Variants in AP3B1 observed in about 807,000 individuals in gnomAD.
AP3B1 encodes the protein AP-3 complex subunit beta-1.
In AP3B1, 61 loss-of-function variants were observed where a neutral mutation model predicts 132.5. The ratio of observed to expected loss-of-function variants is 0.46; its 90% confidence interval spans 0.37 to 0.57. The LOEUF is 0.57. AP3B1 is among the 20% of genes least tolerant of loss of function. The pLI, the probability that AP3B1 is intolerant of heterozygous loss-of-function variation, is 0.00. For missense variants in AP3B1, 1,120 were observed against 1,289.4 expected (o/e 0.87, Z 2.01); for synonymous variants, 388 against 438.3 (o/e 0.89, Z 1.43).
At chr5:78,069,879 A>C (rs252739) in intron 22 of AP3B1, among the ~76,000 whole-genome samples, 40,016 of 152,060 alleles carry the variant, frequency 0.26, 6,000 homozygotes, top group Admixed American at 0.39. Flanking sequence ...ACCCAAATAG[A>C]CTGGTACTGG....
chr5:78,041,984 C>T, intron 22 of AP3B1: 1 of 191,968 alleles, frequency 5.2e-6, no homozygotes. Flanking sequence ...GTGGGCTTGG[C>T]TGTATATACT....
At position 78,205,505 on chromosome 5, in the gene AP3B1, C is replaced by T. The variant is rs190987941; in HGVS notation, c.786+10550G>A. ...TATAGGCACTAAACTTTACTGGCCCCTAAATAAATTAACAGGAATAACAAC... is the reference window on the plus strand; with the variant it reads ...TATAGGCACTAAACTTTACTGGCCCTTAAATAAATTAACAGGAATAACAAC... On this transcript the variant is annotated intron_variant, in intron 7 of 26. Transcript: ENST00000255194. 1.8e-3 allele frequency among the ~76,000 whole-genome samples: 275 copies of T among 151,862 alleles called. 1 individual carries two copies. Among genetic ancestry groups the T allele is most frequent in the African/African-American group, 6.1e-3 (254 of 41,434 alleles).
intron 6 of AP3B1, among the ~76,000 whole-genome samples, chr5:78,218,319 T>A (rs897424964): frequency 1.3e-5 from 2 of 152,102 alleles, no homozygotes; most frequent in Admixed American, 6.6e-5. Context: ...TTAACTTCCA[T>A]CTCACTGTGT....
chr5:78,273,730 T>C (rs1748652151), intron 1 of AP3B1, among the ~76,000 whole-genome samples: 1 of 152,094 alleles, frequency 6.6e-6, no homozygotes, highest in African/African-American at 2.4e-5. Context: ...GACTTTCCAT[T>C]AAGATTACTG....
chr5:78,260,642 TA>T (rs564084546), intron 2 of AP3B1, among the ~76,000 whole-genome samples: 19 of 148,786 alleles, frequency 1.3e-4, no homozygotes, highest in Admixed American at 2.7e-4. Flanking sequence ...AATGTAAGTT[TA>T]AAAAAAAAAG....
chr5:78,229,516 T>TGAGTTCAG (rs1746540280), intron 3 of AP3B1, among the ~76,000 whole-genome samples: 1 of 150,634 alleles, frequency 6.6e-6, no homozygotes, highest in Non-Finnish European at 1.5e-5. Context: ...GCAGATTGCC[T>TGAGTTCAG]GAGTTCAGGA....
intron 22 of AP3B1, among the ~76,000 whole-genome samples, chr5:78,078,068 T>C (rs1391224148): frequency 1.3e-5 from 2 of 152,206 alleles, no homozygotes; most frequent in Non-Finnish European, 2.9e-5. Flanking sequence ...TGCACACACA[T>C]GTGCACATGC....
intron 26 of AP3B1, among the ~76,000 whole-genome samples, chr5:78,006,401 A>G (rs1032246074): frequency 1.3e-5 from 2 of 152,252 alleles, no homozygotes; most frequent in African/African-American, 4.8e-5. Context: ...TTCCAAAAAC[A>G]TTAAGAAGGA....
chr5:78,160,553 T>G (rs909919442), intron 13 of AP3B1, among the ~76,000 whole-genome samples: 1 of 152,044 alleles, frequency 6.6e-6, no homozygotes, highest in African/African-American at 2.4e-5. Flanking sequence ...TTAAACATAT[T>G]TAAAAACAAT....
chr5:78,104,055 T>C (rs1751233766), intron 20 of AP3B1, among the ~76,000 whole-genome samples: 1 of 152,158 alleles, frequency 6.6e-6, no homozygotes, highest in South Asian at 2.1e-4. Context: ...AATTTGAAAC[T>C]ATAAAATAGG....
At chr5:78,172,421 T>C (rs1400662161) in intron 11 of AP3B1, among the ~76,000 whole-genome samples, 1 of 152,256 alleles carries the variant, frequency 6.6e-6, no homozygotes. Flanking sequence ...GAGCCTGTTA[T>C]TGGTCTCTTC....
chr5:78,133,904 T>C (rs1283521740), intron 15 of AP3B1, among the ~76,000 whole-genome samples: 1 of 152,122 alleles, frequency 6.6e-6, no homozygotes, highest in Non-Finnish European at 1.5e-5. Context: ...TCTAAGTCAC[T>C]GTGACACAGG....
In AP3B1 at chr5:78,227,545, C is replaced by A; in HGVS notation, c.376-13G>T. On this transcript the variant is annotated splice_polypyrimidine_tract_variant and intron_variant, in intron 4 of 26. Transcript: ENST00000255194. ...GTTGGTTTGGGTCCTAAAAATAGTG[C>A]AAAAATATTCACCAAAATTTCAACT... 6.2e-7 allele frequency: 1 copy of A among 1,613,022 alleles called. No homozygotes were observed. Among genetic ancestry groups the A allele is most frequent in the Middle Eastern group, 1.7e-4 (1 of 6,054 alleles).
intron 20 of AP3B1, among the ~76,000 whole-genome samples, chr5:78,105,398 A>G (rs758748164): frequency 1.2e-4 from 18 of 152,186 alleles, no homozygotes; most frequent in Non-Finnish European, 2.5e-4. Context: ...TATTTTAAAT[A>G]AATTTTTTCA....
At chr5:78,256,928 A>G (rs530923581) in intron 2 of AP3B1, among the ~76,000 whole-genome samples, 4 of 152,186 alleles carry the variant, frequency 2.6e-5, no homozygotes, top group Non-Finnish European at 5.9e-5. Flanking sequence ...CCATATGATC[A>G]TTTCAATTGA....
intron 17 of AP3B1, among the ~76,000 whole-genome samples, chr5:78,122,786 G>C (rs1389526179): frequency 6.6e-6 from 1 of 152,154 alleles, no homozygotes; most frequent in African/African-American, 2.4e-5. Context: ...GTAATTTATA[G>C]ATTCAATGCC....
intron 2 of AP3B1, among the ~76,000 whole-genome samples, chr5:78,245,280 T>G (rs114441964): frequency 0.026 from 4,008 of 152,290 alleles, 183 homozygotes; most frequent in African/African-American, 0.089. Flanking sequence ...GATAGTGGTT[T>G]AAATGAATCT....
chr5:78,126,649 C>T (rs1038845986), intron 17 of AP3B1, among the ~76,000 whole-genome samples: 9 of 151,196 alleles, frequency 6.0e-5, no homozygotes, highest in Admixed American at 3.3e-4. Context: ...CATATTTTTA[C>T]ATATTACTAC....
intron 17 of AP3B1, among the ~76,000 whole-genome samples, chr5:78,122,207 A>C (rs1752240406): frequency 6.6e-6 from 1 of 152,236 alleles, no homozygotes; most frequent in Non-Finnish European, 1.5e-5. Context: ...CAAAATAATA[A>C]GAGCTATCTA....
Sources: allele counts gnomAD v4.1 joint callset (sites outside exome capture counted in the v4.1 genomes callset), GRCh38; gene constraint gnomAD v4.1.1; transcripts MANE v1.5; gene names NCBI Gene and HGNC (gene_info 2026-07-23, HGNC 2026-07-21).